The following SUPT3H variants were observed in gnomAD, a reference collection of about 807,000 sequenced individuals.
SUPT3H encodes the protein SPT3 homolog, SAGA and STAGA complex component.
In SUPT3H, 44 loss-of-function variants were observed where a neutral mutation model predicts 44.3. The observed-to-expected ratio is 0.99, with a 90% CI of 0.78 to 1.28. SUPT3H has a LOEUF of 1.28. SUPT3H is among the 50% of genes most tolerant of loss of function. The pLI, the probability that SUPT3H is intolerant of heterozygous loss-of-function variation, is 0.00. For missense variants in SUPT3H, 380 were observed against 387.1 expected (o/e 0.98, Z 0.15); for synonymous variants, 124 against 125.6 (o/e 0.99, Z 0.09).
At chr6:44,928,755 C>T (rs1582553786) in intron 10 of SUPT3H, among the ~76,000 whole-genome samples, 1 of 150,538 alleles carries the variant, frequency 6.6e-6, no homozygotes. Context: ...CAGTGGCGGG[C>T]GCCTGTAGTC....
At chr6:44,941,324 C>G (rs1337173468) in intron 9 of SUPT3H, among the ~76,000 whole-genome samples, 1 of 152,038 alleles carries the variant, frequency 6.6e-6, no homozygotes, top group East Asian at 1.9e-4. Context: ...TAAGGTCAGA[C>G]TAGTGTGATG....
intron 10 of SUPT3H, among the ~76,000 whole-genome samples, chr6:44,884,826 G>T (rs2153436705): frequency 6.6e-6 from 1 of 152,316 alleles, no homozygotes; most frequent in East Asian, 1.9e-4. Flanking sequence ...GCTTCACTTG[G>T]GAAGTGCAAG....
intron 3 of SUPT3H, among the ~76,000 whole-genome samples, chr6:45,032,156 C>G (rs949904056): frequency 6.6e-6 from 1 of 152,106 alleles, no homozygotes; most frequent in Non-Finnish European, 1.5e-5. Flanking sequence ...GAAAGTAGCC[C>G]TTATTCAAAT....
intron 2 of SUPT3H, among the ~76,000 whole-genome samples, chr6:45,189,757 C>T (rs1242211745): frequency 6.6e-6 from 1 of 152,106 alleles, no homozygotes; most frequent in South Asian, 2.1e-4. Flanking sequence ...TTTGAGACCC[C>T]TTTTTTACAG....
At chr6:45,364,114 CAA>C (rs11333292) in intron 2 of SUPT3H, among the ~76,000 whole-genome samples, 22 of 143,716 alleles carry the variant, frequency 1.5e-4, no homozygotes, top group South Asian at 2.2e-4. Context: ...GACTCTGTCT[CAA>C]AAAAAAAAAA....
intron 10 of SUPT3H, among the ~76,000 whole-genome samples, chr6:44,890,678 C>T (rs1441020068): frequency 6.7e-6 from 1 of 149,770 alleles, no homozygotes; most frequent in Non-Finnish European, 1.5e-5. Context: ...TTAATGGGTG[C>T]AGCACACCAG....
chr6:45,261,478 AAAC>A (rs1774350647), intron 2 of SUPT3H, among the ~76,000 whole-genome samples: 1 of 152,158 alleles, frequency 6.6e-6, no homozygotes, highest in African/African-American at 2.4e-5. Context: ...CAGAAAAAAA[AAAC>A]ACATGATCAT....
At chr6:45,376,798 CAG>C (rs1304734946) in intron 1 of SUPT3H, among the ~76,000 whole-genome samples, 1 of 152,166 alleles carries the variant, frequency 6.6e-6, no homozygotes, top group African/African-American at 2.4e-5. Flanking sequence ...ATTCCTCTTC[CAG>C]AGTCTGCCCT....
chr6:45,346,668 A>T (rs1406005811), intron 2 of SUPT3H, among the ~76,000 whole-genome samples: 1 of 151,536 alleles, frequency 6.6e-6, no homozygotes, highest in Admixed American at 6.6e-5. Context: ...CCTGGGTTCA[A>T]GCAATTCTCT....
intron 6 of SUPT3H, among the ~76,000 whole-genome samples, chr6:44,965,877 GGCAAT>G (rs1160361633): frequency 6.6e-6 from 1 of 152,094 alleles, no homozygotes; most frequent in Non-Finnish European, 1.5e-5. Flanking sequence ...AGAGTGCTGA[GGCAAT>G]GCTTTGCTTG....
intron 6 of SUPT3H, among the ~76,000 whole-genome samples, chr6:44,984,527 C>T (rs1450875941): frequency 6.6e-6 from 1 of 152,072 alleles, no homozygotes; most frequent in African/African-American, 2.4e-5. Context: ...TTTTTCCAAA[C>T]AACATGTCAA....
intron 2 of SUPT3H, among the ~76,000 whole-genome samples, chr6:45,340,299 G>C (rs2150128789): frequency 6.6e-6 from 1 of 152,102 alleles, no homozygotes; most frequent in East Asian, 1.9e-4. Context: ...AGTATATCAA[G>C]GAATAAGATT....
At chr6:45,111,033 C>CTT (rs5875909) in intron 2 of SUPT3H, among the ~76,000 whole-genome samples, 8 of 129,978 alleles carry the variant, frequency 6.2e-5, no homozygotes, top group South Asian at 2.5e-4. Context: ...ACAAACGATA[C>CTT]TTTTTTTTTT....
Position 45,279,204 on chromosome 6 carries a change from T to A in SUPT3H, c.101+85997A>T, listed in dbSNP as rs140005655. The stretch of plus-strand genomic sequence containing the variant: ...CAAAATGGGATTAATGAAACCAAAT[T>A]ATGACATCTGCAAAATAAAATACCA... On this transcript the variant is annotated intron_variant, in intron 2 of 10. Transcript: ENST00000371459. 1.3e-3 allele frequency among the ~76,000 whole-genome samples: 205 copies of A among 152,276 alleles called. 2 individuals are homozygous for A. Among genetic ancestry groups the A allele is most frequent in the African/African-American group, 4.9e-3 (202 of 41,556 alleles).
At chr6:44,879,700 C>T (rs188137415) in intron 10 of SUPT3H, among the ~76,000 whole-genome samples, 40 of 151,988 alleles carry the variant, frequency 2.6e-4, no homozygotes, top group Admixed American at 2.5e-3. Flanking sequence ...CTGGCGGGTG[C>T]CCCACTGGGA....
chr6:45,318,840 A>G (rs1423839652), intron 2 of SUPT3H, among the ~76,000 whole-genome samples: 5 of 152,148 alleles, frequency 3.3e-5, no homozygotes, highest in African/African-American at 1.2e-4. Flanking sequence ...AAGTAAATCT[A>G]TATTAACCAT....
chr6:44,846,387 C>T (rs1475193010), intron 10 of SUPT3H, among the ~76,000 whole-genome samples: 1 of 152,008 alleles, frequency 6.6e-6, no homozygotes, highest in Non-Finnish European at 1.5e-5. Flanking sequence ...CAGATAGTGA[C>T]AAGAGGCTCA....
chr6:45,083,728 G>T (rs2153559569), intron 3 of SUPT3H, among the ~76,000 whole-genome samples: 1 of 151,222 alleles, frequency 6.6e-6, no homozygotes, highest in East Asian at 1.9e-4. Context: ...AACACCATCG[G>T]TCTAGTATAA....
chr6:45,154,954 C>T (rs1807574043), intron 2 of SUPT3H, among the ~76,000 whole-genome samples: 2 of 152,152 alleles, frequency 1.3e-5, no homozygotes, highest in Middle Eastern at 3.4e-3. Flanking sequence ...ACAGTCAGTA[C>T]ATGACTTCCG....
Sources: gnomAD v4.1 joint callset for allele counts (sites outside exome capture counted in the v4.1 genomes callset) on GRCh38, gnomAD v4.1.1 for gene constraint, MANE v1.5 for transcripts, NCBI Gene and HGNC (gene_info 2026-07-23, HGNC 2026-07-21) for gene names.